The following NAALADL2 variants were observed in gnomAD, a reference collection of about 807,000 sequenced individuals.
The protein encoded by NAALADL2 is N-acetylated alpha-linked acidic dipeptidase like 2, also known as inactive N-acetylated-alpha-linked acidic dipeptidase-like protein 2.
NAALADL2 carries 76 observed loss-of-function variants against 87.2 expected under a neutral mutation model. The ratio of observed to expected loss-of-function variants is 0.87; its 90% CI spans 0.72 to 1.05. The LOEUF (loss-of-function observed/expected upper bound fraction) is 1.05. Ranked by LOEUF, NAALADL2 falls within the 50% of genes least tolerant of loss-of-function variation. The pLI, the probability that NAALADL2 is intolerant of heterozygous loss-of-function variation, is 0.00. For synonymous variants in NAALADL2, 354 were observed against 331.0 expected (o/e 1.07, Z -0.75); for missense variants, 1,089 against 945.8 (o/e 1.15, Z -1.99).
intron 9 of NAALADL2, among the ~76,000 whole-genome samples, chr3:175,568,797 T>C (rs1028173601): frequency 2.6e-5 from 4 of 152,210 alleles, no homozygotes; most frequent in Non-Finnish European, 5.9e-5. Context: ...ATTTTTGTAA[T>C]ATATAGGCTT....
intron 1 of NAALADL2, among the ~76,000 whole-genome samples, chr3:174,886,532 G>T (rs1730173080): frequency 6.6e-6 from 1 of 152,098 alleles, no homozygotes; most frequent in Non-Finnish European, 1.5e-5. Context: ...TTGCCATGAG[G>T]TGTCCTTATA....
chr3:174,904,569 A>G (rs1300537014), intron 1 of NAALADL2, among the ~76,000 whole-genome samples: 1 of 129,106 alleles, frequency 7.7e-6, no homozygotes, highest in South Asian at 2.4e-4. Flanking sequence ...CATCAAGAAC[A>G]TACTAACAAT....
intron 1 of NAALADL2, among the ~76,000 whole-genome samples, chr3:174,989,090 T>A (rs1178236686): frequency 1.3e-5 from 2 of 152,132 alleles, no homozygotes; most frequent in African/African-American, 2.4e-5. Context: ...CTGTTCTTTT[T>A]AAGAACCAGC....
intron 3 of NAALADL2, among the ~76,000 whole-genome samples, chr3:174,831,366 CA>C (rs1722668568): frequency 6.8e-6 from 1 of 146,032 alleles, no homozygotes; most frequent in Non-Finnish European, 1.5e-5. Flanking sequence ...TTGAGAAAAT[CA>C]TGTGGTTTTT....
At chr3:174,969,697 CT>C (rs1743353257) in intron 1 of NAALADL2, among the ~76,000 whole-genome samples, 1 of 152,140 alleles carries the variant, frequency 6.6e-6, no homozygotes, top group Non-Finnish European at 1.5e-5. Flanking sequence ...CATTAAAAGT[CT>C]GTGATGGAGC....
At chr3:175,766,806 G>A (rs559253933) in intron 13 of NAALADL2, among the ~76,000 whole-genome samples, 180 of 152,168 alleles carry the variant, frequency 1.2e-3, no homozygotes, top group Non-Finnish European at 1.5e-3. Context: ...TGTGTAAATC[G>A]TGTGTTTAGG....
chr3:174,941,348 A>G (rs1239906122), intron 1 of NAALADL2, among the ~76,000 whole-genome samples: 5 of 151,782 alleles, frequency 3.3e-5, no homozygotes, highest in East Asian at 1.9e-4. Flanking sequence ...TTTTTGCACT[A>G]TGGTCCGAGA....
At chr3:175,025,135 A>T (rs767801848) in intron 1 of NAALADL2, among the ~76,000 whole-genome samples, 1 of 152,160 alleles carries the variant, frequency 6.6e-6, no homozygotes, top group Non-Finnish European at 1.5e-5. Flanking sequence ...TAATCTGATT[A>T]TTTTTAAAAA....
At chr3:174,711,737 A>G (rs1217115015) in intron 2 of NAALADL2, among the ~76,000 whole-genome samples, 1 of 152,164 alleles carries the variant, frequency 6.6e-6, no homozygotes, top group East Asian at 1.9e-4. Context: ...AATATTCTGC[A>G]TGAGGTTTCT....
intron 5 of NAALADL2, among the ~76,000 whole-genome samples, chr3:175,369,045 C>T (rs2148939443): frequency 6.6e-6 from 1 of 152,256 alleles, no homozygotes; most frequent in East Asian, 1.9e-4. Flanking sequence ...GCTTTATAAA[C>T]ACTGTACACT....
chr3:175,262,531 A>G (rs1398541373), intron 4 of NAALADL2, among the ~76,000 whole-genome samples: 2 of 151,746 alleles, frequency 1.3e-5, no homozygotes, highest in Non-Finnish European at 2.9e-5. Flanking sequence ...ATGGGCACAA[A>G]AAAGGAAATC....
intron 10 of NAALADL2, among the ~76,000 whole-genome samples, chr3:175,583,677 A>G (rs958375322): frequency 1.3e-5 from 2 of 152,248 alleles, no homozygotes; most frequent in African/African-American, 4.8e-5. Context: ...TTATTCAACA[A>G]GACAATGTTC....
chr3:175,314,687 TATATATATA>T (rs1758860100), intron 4 of NAALADL2, among the ~76,000 whole-genome samples: 1 of 33,066 alleles, frequency 3.0e-5, no homozygotes, highest in African/African-American at 2.2e-4. Context: ...TATATATATA[TATATATATA>T]TATATATATA....
At chr3:175,157,127 A>G (rs183711555) in intron 2 of NAALADL2, among the ~76,000 whole-genome samples, 5 of 152,250 alleles carry the variant, frequency 3.3e-5, no homozygotes, top group African/African-American at 9.6e-5. Flanking sequence ...AAGTCATTAA[A>G]ATAATTTTTT....
intron 4 of NAALADL2, among the ~76,000 whole-genome samples, chr3:175,260,156 A>G (rs1024898850): frequency 2.0e-5 from 3 of 152,190 alleles, no homozygotes; most frequent in South Asian, 2.1e-4. Flanking sequence ...CCCTTTGACT[A>G]TATTTACAAA....
intron 2 of NAALADL2, among the ~76,000 whole-genome samples, chr3:175,232,899 TA>T (rs558796035): frequency 3.8e-5 from 3 of 79,228 alleles, no homozygotes; most frequent in Non-Finnish European, 6.4e-5. Flanking sequence ...GCCACAAAAT[TA>T]AAAAAAAACT....
At chr3:175,605,676 G>A (rs1360502890) in intron 10 of NAALADL2, among the ~76,000 whole-genome samples, 3 of 68,804 alleles carry the variant, frequency 4.4e-5, no homozygotes, top group African/African-American at 1.3e-4. Flanking sequence ...TAGATAACAC[G>A]TAATTATAAT....
intron 5 of NAALADL2, among the ~76,000 whole-genome samples, chr3:175,325,999 ACTT>A: frequency 6.6e-6 from 1 of 152,166 alleles, no homozygotes; most frequent in East Asian, 1.9e-4. Context: ...TTTCTGTTCT[ACTT>A]CTCTTTTAAT....
intron 5 of NAALADL2, among the ~76,000 whole-genome samples, chr3:175,343,566 A>C (rs1762783542): frequency 1.3e-5 from 2 of 149,410 alleles, no homozygotes; most frequent in South Asian, 2.1e-4. Context: ...TTCTTTGGTG[A>C]TTTCTAGTTC....
Sources: allele counts gnomAD v4.1 joint callset (sites outside exome capture counted in the v4.1 genomes callset), GRCh38; gene constraint gnomAD v4.1.1; transcripts MANE v1.5; gene names NCBI Gene and HGNC (gene_info 2026-07-23, HGNC 2026-07-21).